SAMD5: variants seen among roughly 807,000 people sequenced by gnomAD.
The protein encoded by SAMD5 is sterile alpha motif domain-containing protein 5.
Under a neutral mutation model 11.3 loss-of-function variants are expected in SAMD5, and 13 were observed. The ratio of observed to expected loss-of-function variants is 1.15; its 90% confidence interval spans 0.75 to 1.83. The LOEUF is 1.83. Ranked by LOEUF, SAMD5 falls within the 40% of genes most tolerant of loss-of-function variation. SAMD5 has a pLI of 0.00. For missense variants in SAMD5, 255 were observed against 239.1 expected, an observed-to-expected ratio of 1.07 and a Z score of -0.44; for synonymous variants, 129 against 111.3, an observed-to-expected ratio of 1.16 and a Z score of -1.00.
At chr6:147,948,276 G>T in the SAMD5 span, among the ~76,000 whole-genome samples, 1 of 113,666 alleles carries the variant, frequency 8.8e-6, no homozygotes, top group Admixed American at 8.8e-5. Flanking sequence ...ATTGCAAGGA[G>T]AGAAAAAAAA....
chr6:147,639,539 C>A (rs1234508786), intron 1 of SAMD5, among the ~76,000 whole-genome samples: 1 of 152,166 alleles, frequency 6.6e-6, no homozygotes, highest in Non-Finnish European at 1.5e-5. Context: ...GGCTTCACTC[C>A]CAAGGGGTGG....
At chr6:147,606,388 T>C (rs1378183626) in intron 1 of SAMD5, among the ~76,000 whole-genome samples, 2 of 152,056 alleles carry the variant, frequency 1.3e-5, no homozygotes, top group African/African-American at 4.8e-5. Context: ...CTTGGACTTA[T>C]TAAATAAAAC....
chr6:147,839,715 A>T, the SAMD5 span, among the ~76,000 whole-genome samples: 1 of 152,200 alleles, frequency 6.6e-6, no homozygotes, highest in African/African-American at 2.4e-5. Flanking sequence ...GCACCACTGC[A>T]CTCCAGCCTG....
the SAMD5 span, among the ~76,000 whole-genome samples, chr6:147,897,370 T>C: frequency 3.4e-4 from 52 of 152,278 alleles, no homozygotes; most frequent in African/African-American, 1.1e-3. Context: ...GTCTGGACTA[T>C]TCTGGACTGC....
At chr6:147,894,145 G>A in the SAMD5 span, among the ~76,000 whole-genome samples, 138 of 136,088 alleles carry the variant, frequency 1.0e-3, 4 homozygotes, top group Admixed American at 0.01. Flanking sequence ...TTTTTTTTGA[G>A]ATGGAGTCTC....
chr6:147,896,991 A>G, the SAMD5 span, among the ~76,000 whole-genome samples: 2 of 152,302 alleles, frequency 1.3e-5, no homozygotes, highest in South Asian at 4.1e-4. Flanking sequence ...CAAAAAGTAC[A>G]TCCATGGTTG....
chr6:147,828,873 C>T, the SAMD5 span, among the ~76,000 whole-genome samples: 19,985 of 152,118 alleles, frequency 0.13, 1,442 homozygotes, highest in Middle Eastern at 0.17. Context: ...CCCAGGGAAG[C>T]TGAAGACACA....
At chr6:147,839,130 T>C in the SAMD5 span, among the ~76,000 whole-genome samples, 65,029 of 152,112 alleles carry the variant, frequency 0.43, 16,084 homozygotes, top group African/African-American at 0.69. Flanking sequence ...ACTGCCCATA[T>C]TTCTGTGCTA....
intron 1 of SAMD5, among the ~76,000 whole-genome samples, chr6:147,593,581 A>T (rs182720597): frequency 7.3e-4 from 111 of 152,314 alleles, no homozygotes; most frequent in African/African-American, 2.5e-3. Context: ...AGTCACTTGC[A>T]ATTGCCTGAA....
the SAMD5 span, among the ~76,000 whole-genome samples, chr6:147,856,369 T>C: frequency 6.6e-6 from 1 of 152,168 alleles, no homozygotes. Context: ...TTATCTTAAT[T>C]GTGGCACTAA....
chr6:147,622,532 G>A (rs1359916498), intron 1 of SAMD5, among the ~76,000 whole-genome samples: 1 of 152,136 alleles, frequency 6.6e-6, no homozygotes, highest in Non-Finnish European at 1.5e-5. Context: ...AAGTCTCAAG[G>A]AATATCTTCT....
the SAMD5 span, among the ~76,000 whole-genome samples, chr6:147,795,912 T>A: frequency 6.6e-6 from 1 of 152,166 alleles, no homozygotes; most frequent in African/African-American, 2.4e-5. Flanking sequence ...TTGATGGGGT[T>A]GTTTGTTTTT....
the SAMD5 span, among the ~76,000 whole-genome samples, chr6:147,823,894 T>G: frequency 6.6e-6 from 1 of 152,208 alleles, no homozygotes; most frequent in Non-Finnish European, 1.5e-5. Flanking sequence ...CTCATCTCAT[T>G]TAATTCTCAT....
chr6:147,716,771 T>A (rs1261525890), intron 1 of SAMD5, among the ~76,000 whole-genome samples: 1 of 152,204 alleles, frequency 6.6e-6, no homozygotes, highest in African/African-American at 2.4e-5. Context: ...CTAAAGATAC[T>A]TCTATTTTGA....
chr6:147,739,739 TTA>T (rs1791852431), downstream of SAMD5, among the ~76,000 whole-genome samples: 1 of 152,238 alleles, frequency 6.6e-6, no homozygotes, highest in Admixed American at 6.5e-5. Flanking sequence ...AGGCAGTTAT[TTA>T]TGTTTGTTAT....
chr6:147,617,831 G>A lies in SAMD5; in HGVS notation c.162+108444G>A, dbSNP rs114638372. Among the ~76,000 whole-genome samples the A allele has an allele frequency of 4.8e-3, 736 of 152,222 alleles. 5 individuals are homozygous for A. Among genetic ancestry groups the A allele is most frequent in the African/African-American group, 0.017 (714 of 41,518 alleles). On this transcript the variant is annotated intron_variant, in intron 1 of 1. Coordinates refer to the SAMD5 transcript ENST00000566741. ...CAGATGCCTTGTATACAATAATAATGCCTGTTTCCATAACTACCACCCAGG... is the reference window on the plus strand; with the variant it reads ...CAGATGCCTTGTATACAATAATAATACCTGTTTCCATAACTACCACCCAGG...
At chr6:147,562,800 A>C (rs866104359) in intron 1 of SAMD5, among the ~76,000 whole-genome samples, 18 of 151,834 alleles carry the variant, frequency 1.2e-4, no homozygotes, top group Middle Eastern at 3.4e-3. Context: ...CCAGCCTGGG[A>C]GACAGAGCGA....
chr6:147,554,541 C>T (rs1458041733), intron 1 of SAMD5, among the ~76,000 whole-genome samples: 1 of 152,162 alleles, frequency 6.6e-6, no homozygotes, highest in Non-Finnish European at 1.5e-5. Context: ...ACTTCAAAAG[C>T]TCTTGTGATT....
chr6:147,794,369 G>C, the SAMD5 span, among the ~76,000 whole-genome samples: 12,279 of 151,900 alleles, frequency 0.081, 755 homozygotes, highest in African/African-American at 0.17. Context: ...CCTTATGCAG[G>C]ATATAAACTC....
Sources: allele counts gnomAD v4.1 joint callset (sites outside exome capture counted in the v4.1 genomes callset), GRCh38; gene constraint gnomAD v4.1.1; transcripts MANE v1.5; gene names NCBI Gene and HGNC (gene_info 2026-07-23, HGNC 2026-07-21).